KIAA0232: variants seen among roughly 807,000 people sequenced by gnomAD.
KIAA0232 encodes uncharacterized protein KIAA0232.
KIAA0232 carries 27 observed loss-of-function variants against 122.0 expected under a neutral mutation model. The ratio of observed to expected loss-of-function variants is 0.22; its 90% confidence interval spans 0.16 to 0.31. The LOEUF (loss-of-function observed/expected upper bound fraction) is 0.31. Ranked by LOEUF, KIAA0232 falls within the 10% of genes least tolerant of loss-of-function variation. The pLI is 1.00. For synonymous variants in KIAA0232, 613 were observed against 587.6 expected, an observed-to-expected ratio of 1.04 and a Z score of -0.63; for missense variants, 1,551 against 1,634.2, an observed-to-expected ratio of 0.95 and a Z score of 0.88.
At position 6,864,059 on chromosome 4, in the gene KIAA0232, C is replaced by T. The variant is rs1160726421; in HGVS notation, c.3677C>T (p.Ser1226Leu). Residue 1226 changes from serine to leucine, a missense_variant, in exon 7 of 10, where the codon TCA becomes TTA. Physicochemically the swap from Ser to Leu is moderately radical, Grantham distance 145. This residue lies in a region of KIAA0232 where 1,108 missense variants were observed against 1,154.8 expected (regional missense o/e 0.96). Transcript: ENST00000307659. ...NESLEIDLESSEANCKIMAQC... is the reference protein window; with the variant it reads ...NESLEIDLESLEANCKIMAQC... ...TCCCTGGAAATAGATTTAGAAAGCT[C>T]AGAAGCAAATTGTAAAATAATGGCA... 13 of 1,613,968 alleles carry T rather than the reference C, an allele frequency of 8.1e-6. No individual in the cohort carries two copies. In the East Asian group the frequency reaches 1.8e-4, roughly 22 times the overall value.
intron 4 of KIAA0232, among the ~76,000 whole-genome samples, chr4:6,847,203 G>C (rs1036310038): frequency 6.6e-6 from 1 of 152,274 alleles, no homozygotes. Flanking sequence ...GTGACCATGC[G>C]TGTATGTGAC....
At chr4:6,795,109 C>T (rs113398137) in intron 1 of KIAA0232, among the ~76,000 whole-genome samples, 198 of 151,238 alleles carry the variant, frequency 1.3e-3, no homozygotes, top group Admixed American at 2.9e-3. Context: ...CTCACTCTGT[C>T]GCCCAGGCTG....
intron 2 of KIAA0232, among the ~76,000 whole-genome samples, chr4:6,805,599 G>C (rs982929621): frequency 2.6e-5 from 4 of 152,100 alleles, no homozygotes; most frequent in Non-Finnish European, 5.9e-5. Flanking sequence ...GAAGATATTT[G>C]TGGTTTTGAG....
At chr4:6,793,260 T>C (rs1320005262) in intron 1 of KIAA0232, among the ~76,000 whole-genome samples, 1 of 152,226 alleles carries the variant, frequency 6.6e-6, no homozygotes, top group Admixed American at 6.5e-5. Context: ...CATATTATGC[T>C]TGAGCCATTA....
intron 1 of KIAA0232, among the ~76,000 whole-genome samples, chr4:6,791,190 A>G (rs974864275): frequency 5.3e-5 from 8 of 151,164 alleles, no homozygotes; most frequent in African/African-American, 1.9e-4. Context: ...AAAGTGTTGG[A>G]TTACAGGCAT....
chr4:6,850,871 T>C (rs1201456348), intron 4 of KIAA0232, among the ~76,000 whole-genome samples: 1 of 152,178 alleles, frequency 6.6e-6, no homozygotes, highest in African/African-American at 2.4e-5. Context: ...GATTTCACCA[T>C]GTTGGCCAGG....
chr4:6,791,217 C>T (rs1297526113), intron 1 of KIAA0232, among the ~76,000 whole-genome samples: 5 of 150,846 alleles, frequency 3.3e-5, no homozygotes, highest in Non-Finnish European at 7.4e-5. Flanking sequence ...CCGTGCCTGG[C>T]CTGTTTTTAT....
intron 2 of KIAA0232, among the ~76,000 whole-genome samples, chr4:6,807,777 G>A (rs1326039940): frequency 6.6e-6 from 1 of 152,176 alleles, no homozygotes; most frequent in Non-Finnish European, 1.5e-5. Context: ...GCTGAGATCA[G>A]AAAATAACAG....
At chr4:6,835,799 C>T (rs547996297) in intron 3 of KIAA0232, among the ~76,000 whole-genome samples, 74 of 152,332 alleles carry the variant, frequency 4.9e-4, no homozygotes, top group Non-Finnish European at 9.4e-4. Context: ...GACATGAACT[C>T]ATCCTTTTTT....
chr4:6,837,150 G>A (rs576170250), intron 3 of KIAA0232, among the ~76,000 whole-genome samples: 4 of 151,422 alleles, frequency 2.6e-5, no homozygotes, highest in Non-Finnish European at 2.9e-5. Context: ...CCCACCTCCC[G>A]AACGGGCCGG....
chr4:6,865,774 C>T (rs558474750), intron 7 of KIAA0232, among the ~76,000 whole-genome samples: 1 of 152,352 alleles, frequency 6.6e-6, no homozygotes, highest in South Asian at 2.1e-4. Flanking sequence ...TTCACTGACA[C>T]TTTCCCTAAT....
chr4:6,872,587 T>G (rs1181291878), intron 8 of KIAA0232, among the ~76,000 whole-genome samples: 25 of 152,198 alleles, frequency 1.6e-4, no homozygotes, highest in Admixed American at 1.6e-3. Context: ...ATTGATTAGC[T>G]CAAGAAGTTC....
chr4:6,830,684 G>A (rs774345279), intron 3 of KIAA0232, among the ~76,000 whole-genome samples: 2 of 152,102 alleles, frequency 1.3e-5, no homozygotes, highest in Non-Finnish European at 2.9e-5. Flanking sequence ...TGGGATTATA[G>A]GTGTGAGCTG....
rs566016700 is a variant in KIAA0232, at chr4:6,811,588, G to A, written c.-270+6982G>A. 6.6e-5 allele frequency among the ~76,000 whole-genome samples: 10 copies of A among 152,062 alleles called. No homozygotes were observed. The East Asian group carries it at 9.7e-4, about 15-fold the overall frequency. ...CTCCTGAGTAGCTGGGACTCCAAGC[G>A]CAAGCCACCATGCCTGGCTGATTTT... On this transcript the variant is annotated intron_variant, in intron 2 of 9. Coordinates refer to ENST00000307659, the MANE Select transcript of KIAA0232 (RefSeq NM_014743.3).
intron 4 of KIAA0232, among the ~76,000 whole-genome samples, chr4:6,852,436 A>G (rs1302441940): frequency 5.3e-5 from 8 of 152,228 alleles, no homozygotes; most frequent in Admixed American, 5.2e-4. Flanking sequence ...AAAGTATGGA[A>G]TTGATCCTTT....
At chr4:6,801,469 G>T (rs1000565897) in intron 1 of KIAA0232, among the ~76,000 whole-genome samples, 1 of 152,096 alleles carries the variant, frequency 6.6e-6, no homozygotes, top group Admixed American at 6.5e-5. Flanking sequence ...TGGGAGGATT[G>T]CTTGAGCCTA....
At position 6,797,590 on chromosome 4, in the gene KIAA0232, C is replaced by A. The variant is rs189142973; in HGVS notation, c.-353-6933C>A. 1.0e-3 allele frequency among the ~76,000 whole-genome samples: 151 copies of A among 149,774 alleles called. No homozygotes were observed. In the East Asian group the frequency reaches 0.019, roughly 19 times the overall value. ...TTCGAGACCAGCCTGGGCAACATAG[C>A]AAGATCCCATCTCTTAAAAAAAAAA... is the stretch of plus-strand genomic sequence containing the variant. On this transcript the variant is annotated intron_variant, in intron 1 of 9. Coordinates refer to ENST00000307659, the MANE Select transcript of KIAA0232 (RefSeq NM_014743.3).
rs1434535281 is a variant in KIAA0232 at position 6,863,692 on chromosome 4, C to G, written c.3310C>G (p.Pro1104Ala). 6.2e-7 allele frequency: 1 copy of G among 1,614,184 alleles called. No homozygotes were observed. Among genetic ancestry groups the G allele is most frequent in the Non-Finnish European group, 8.5e-7 (1 of 1,180,034 alleles). The change falls in exon 7 of 10, where the codon CCT becomes GCT. Residue 1104 changes from proline to alanine, a missense_variant. Around this residue, in one of 5 missense-constraint regions of KIAA0232, gnomAD observed 1,108 missense variants for 1,154.8 expected, o/e 0.96. Transcript: ENST00000307659. ...RTQYRAIRIS[P>A]RTHFRPISAS... is the part of the protein sequence containing the mutation. ...ACAATACAGGGCTATTCGGATCTCT[C>G]CTCGGACTCACTTTCGCCCAATTTC...
At chr4:6,815,527 T>C (rs1454437277) in intron 2 of KIAA0232, among the ~76,000 whole-genome samples, 2 of 152,176 alleles carry the variant, frequency 1.3e-5, no homozygotes, top group African/African-American at 4.8e-5. Flanking sequence ...GAATACTCTT[T>C]AGCTCCAAGA....
Sources: allele counts gnomAD v4.1 joint callset (sites outside exome capture counted in the v4.1 genomes callset), GRCh38; gene constraint gnomAD v4.1.1; regional missense constraint gnomAD v4.1.1; transcripts MANE v1.5; gene names NCBI Gene and HGNC (gene_info 2026-07-23, HGNC 2026-07-21).